TNS3: variants seen among roughly 807,000 people sequenced by gnomAD.
TNS3 encodes the protein tensin 3.
In TNS3, 45 loss-of-function variants were observed where a neutral mutation model predicts 140.9. That is an observed-to-expected ratio of 0.32 (90% CI 0.25 to 0.41). The LOEUF is 0.41. Ranked by LOEUF, TNS3 falls within the 10% of genes least tolerant of loss-of-function variation. The pLI, the probability that TNS3 is intolerant of heterozygous loss-of-function variation, is 1.00. For synonymous variants in TNS3, 815 were observed against 788.4 expected (o/e 1.03, Z -0.56); for missense variants, 1,716 against 1,906.7 (o/e 0.90, Z 1.86).
At chr7:47,582,119 G>C (rs1030343892), upstream of TNS3, 3 of 151,470 alleles carry the variant, frequency 2.0e-5, no homozygotes, top group Admixed American at 6.6e-5. Flanking sequence ...AGTAGCGCGC[G>C]GGCGGGCCCG....
intron 17 of TNS3, among the ~76,000 whole-genome samples, chr7:47,354,164 T>C (rs1366312219): frequency 6.6e-6 from 1 of 152,146 alleles, no homozygotes; most frequent in Non-Finnish European, 1.5e-5. Flanking sequence ...TGTCCATGCC[T>C]ATATATTTTT....
chr7:47,285,829 G>C (rs1197941029), intron 27 of TNS3, among the ~76,000 whole-genome samples: 1 of 152,222 alleles, frequency 6.6e-6, no homozygotes, highest in Non-Finnish European at 1.5e-5. Context: ...AGAAATGAGA[G>C]AGGGGTGAAA....
At position 47,297,785 on chromosome 7, in the gene TNS3, GTTTTTT is replaced by G. The variant is rs768611066; in HGVS notation, c.3545-578_3545-573del. On this transcript the variant is annotated intron_variant, in intron 23 of 30. Coordinates refer to ENST00000311160, the MANE Select transcript of TNS3 (RefSeq NM_022748.12). ...CTTTCAACAGCATAAAAGGAAAGAA[GTTTTTT>G]TTTTTTTTTTTTTTGAGATGGAGTC... 2.5e-3 allele frequency among the ~76,000 whole-genome samples: 347 copies of G among 136,306 alleles called. 4 individuals carry two copies. Among genetic ancestry groups the G allele is most frequent in the African/African-American group, 9.1e-3 (333 of 36,480 alleles). 89.4% of individuals were successfully genotyped at this position (136,306 alleles called of 152,430 possible). A position where few individuals can be genotyped will look rare whatever the true frequency, so the allele number is the denominator to read the frequency against.
chr7:47,484,296 C>T (rs1021191785), intron 3 of TNS3, among the ~76,000 whole-genome samples: 2 of 152,164 alleles, frequency 1.3e-5, no homozygotes, highest in Non-Finnish European at 2.9e-5. Context: ...AAAGAGAAAA[C>T]TCATCATTTC....
intron 23 of TNS3, among the ~76,000 whole-genome samples, chr7:47,300,986 A>T (rs1786368720): frequency 6.6e-6 from 1 of 152,188 alleles, no homozygotes; most frequent in Non-Finnish European, 1.5e-5. Flanking sequence ...GCACATTCTT[A>T]CCATTTCTGT....
chr7:47,439,077 G>T (rs1381960362), intron 6 of TNS3, among the ~76,000 whole-genome samples: 1 of 152,204 alleles, frequency 6.6e-6, no homozygotes, highest in Non-Finnish European at 1.5e-5. Flanking sequence ...GGCAGCCCCT[G>T]GTTTCTTGGG....
At chr7:47,522,002 CG>C (rs1166983087) in intron 2 of TNS3, among the ~76,000 whole-genome samples, 1 of 152,128 alleles carries the variant, frequency 6.6e-6, no homozygotes, top group Non-Finnish European at 1.5e-5. Flanking sequence ...CGATGGAGAC[CG>C]GGGCCCAGCC....
intron 16 of TNS3, among the ~76,000 whole-genome samples, chr7:47,388,634 G>T (rs1280351235): frequency 6.6e-6 from 1 of 152,158 alleles, no homozygotes; most frequent in Non-Finnish European, 1.5e-5. Context: ...GGAGGCCCAG[G>T]TGGGCAGATC....
chr7:47,351,821 A>ATGCTAGGAGTGCTCCC (rs1401678778), intron 17 of TNS3, among the ~76,000 whole-genome samples: 2 of 152,154 alleles, frequency 1.3e-5, no homozygotes, highest in African/African-American at 4.8e-5. Flanking sequence ...TCCGTGAAGA[A>ATGCTAGGAGTGCTCCC]TGGACCACGC....
rs148239193 is a variant in TNS3 at position 47,556,550 on chromosome 7, A to G, written c.-265+25501T>C. ...GCCCCACATCCCTTAGGCCCAATCC[A>G]CAGGCGAGCATGATTATTATTTTGT... On this transcript the variant is annotated intron_variant, in intron 1 of 30. Transcript: ENST00000311160. 3.2e-3 allele frequency among the ~76,000 whole-genome samples: 488 copies of G among 152,290 alleles called. 1 individual carries two copies. Among genetic ancestry groups the G allele is most frequent in the South Asian group, 7.5e-3 (36 of 4,828 alleles).
Position 47,303,564 on chromosome 7 carries a change from T to C in TNS3, c.2843A>G (p.Gln948Arg), listed in dbSNP as rs916676327. 6.3e-7 allele frequency: 1 copy of C among 1,597,068 alleles called. No homozygotes were observed. The highest frequency in any genetic ancestry group is 1.3e-5 in the African/African-American group (1 of 74,774). The change falls in exon 22 of 31, where the codon CAG becomes CGG. Residue 948 changes from glutamine (Q) to arginine (R), a missense_variant. This residue lies in a region of TNS3 where 1,163 missense variants were observed against 1,182.1 expected (regional missense o/e 0.98). Transcript: ENST00000311160. The part of the protein sequence containing the change: ...RRESSSSAER[Q>R]WVESSPKPMV... ...GGGCTTGGGGCTGCTCTCCACCCAC[T>C]GGCGTTCTGCAGAAGAGGAGCTGTT...
Position 47,303,057 on chromosome 7 carries a change from G to A in TNS3, c.3350C>T (p.Ser1117Phe). The A allele has an allele frequency of 6.2e-7, 1 of 1,614,222 alleles. No homozygotes were observed. Among genetic ancestry groups the A allele is most frequent in the Non-Finnish European group, 8.5e-7 (1 of 1,180,042 alleles). Residue 1117 changes from serine (S) to phenylalanine (F), a missense_variant, in exon 22 of 31, where the codon TCC becomes TTC. Physicochemically the swap from Ser to Phe is radical, Grantham distance 155. This residue lies in a region of TNS3 where 1,163 missense variants were observed against 1,182.1 expected (regional missense o/e 0.98). Coordinates refer to ENST00000311160, the MANE Select transcript of TNS3 (RefSeq NM_022748.12). The part of the protein sequence containing the change: ...GDRSLGSVSP[S>F]SSGFSSPHSG... ...GTGCGGGCTGGAGAAGCCACTGGAG[G>A]AGGGAGAGACTGAGCCCAAAGAACG...
At chr7:47,427,135 A>AC (rs916717429) in intron 9 of TNS3, among the ~76,000 whole-genome samples, 2 of 151,602 alleles carry the variant, frequency 1.3e-5, no homozygotes, top group Admixed American at 6.6e-5. Context: ...AAAAAAAAAA[A>AC]AAAAAAAAAA....
At chr7:47,282,157 T>C (rs1343623837) in intron 28 of TNS3, among the ~76,000 whole-genome samples, 3 of 150,710 alleles carry the variant, frequency 2.0e-5, no homozygotes, top group Admixed American at 6.6e-5. Context: ...GAGTGAGCCA[T>C]GTAGCCGAGC....
chr7:47,468,896 T>C (rs532930902), intron 4 of TNS3, among the ~76,000 whole-genome samples: 2 of 152,270 alleles, frequency 1.3e-5, no homozygotes, highest in South Asian at 4.2e-4. Flanking sequence ...AACAGACACA[T>C]ATTCCAACTG....
intron 20 of TNS3, among the ~76,000 whole-genome samples, chr7:47,310,745 T>A (rs187879729): frequency 1.3e-5 from 2 of 152,252 alleles, no homozygotes; most frequent in African/African-American, 4.8e-5. Context: ...TTAAGAATAA[T>A]CAAATGATGT....
chr7:47,548,573 C>T (rs563520848), intron 1 of TNS3, among the ~76,000 whole-genome samples: 2 of 152,162 alleles, frequency 1.3e-5, no homozygotes, highest in Non-Finnish European at 2.9e-5. Context: ...CTTCCCTGGT[C>T]GCTGTGACCC....
Position 47,304,883 on chromosome 7 carries a change from A to G in TNS3, c.2771T>C (p.Phe924Ser), listed in dbSNP as rs748782646. Residue 924 changes from phenylalanine (F) to serine (S), a missense_variant, in exon 21 of 31, where the codon TTT becomes TCT. Around this residue, in one of 3 missense-constraint regions of TNS3, gnomAD observed 1,163 missense variants for 1,182.1 expected, o/e 0.98. Transcript: ENST00000311160. ...GCTGGAAATGGTGCAGGAAGAAGCAAAAGCCTGCTGAAAGGAGGGCGTCGA... is the reference window on the plus strand; with the variant it reads ...GCTGGAAATGGTGCAGGAAGAAGCAGAAGCCTGCTGAAAGGAGGGCGTCGA... ...ASSTPSFQQA[F>S]ASSCTISSNG... The G allele has an allele frequency of 2.8e-6, 4 of 1,413,540 alleles. No individual in the cohort carries two copies. The highest frequency in any genetic ancestry group is 2.6e-5 in the Admixed American group (1 of 38,114). The allele number at this position is 1,413,540 out of a possible 1,614,324, so 87.6% of individuals were successfully genotyped here.
In TNS3 at chr7:47,472,739, A is replaced by T. The variant is rs567174356; in HGVS notation, c.-76+8364T>A. Among the ~76,000 whole-genome samples the T allele has an allele frequency of 2.0e-5, 3 of 152,286 alleles. No homozygotes were observed. In the East Asian group the frequency reaches 5.8e-4, roughly 29 times the overall value. On this transcript the variant is annotated intron_variant, in intron 4 of 30. Coordinates refer to ENST00000311160, the MANE Select transcript of TNS3 (RefSeq NM_022748.12). ...CTGTCCTACTCCCTCCCACAGAGTA[A>T]ATCCCGGACACTCCTGCTGGTCTGC... is the stretch of plus-strand genomic sequence containing the variant.
Sources: gnomAD v4.1 joint callset for allele counts (sites outside exome capture counted in the v4.1 genomes callset) on GRCh38, gnomAD v4.1.1 for gene constraint, gnomAD v4.1.1 regional missense constraint, MANE v1.5 for transcripts, NCBI Gene and HGNC (gene_info 2026-07-23, HGNC 2026-07-21) for gene names.